VAV3: variants seen among roughly 807,000 people sequenced by gnomAD.
VAV3 encodes the protein vav guanine nucleotide exchange factor 3.
VAV3 carries 94 observed loss-of-function variants against 131.2 expected under a neutral mutation model. The observed-to-expected ratio is 0.72, with a 90% CI of 0.61 to 0.85. The LOEUF (loss-of-function observed/expected upper bound fraction) is 0.85, where lower values mean the gene tolerates loss of function less well. Among genes scored for constraint, VAV3 ranks in the 40% least tolerant of loss-of-function variants. The pLI is 0.00. For synonymous variants in VAV3, 349 were observed against 342.0 expected, an observed-to-expected ratio of 1.02 and a Z score of -0.22; for missense variants, 939 against 1,002.7, an observed-to-expected ratio of 0.94 and a Z score of 0.86.
At position 107,871,915 on chromosome 1, in the gene VAV3, A is replaced by G. The variant is rs954507824; in HGVS notation, c.321+2986T>C. ...AATCACATGCCTATTTAGAGTAAACAACTTTAACCACCACTGGGCTGCAGA... is the reference window on the plus strand; with the variant it reads ...AATCACATGCCTATTTAGAGTAAACGACTTTAACCACCACTGGGCTGCAGA... On this transcript the variant is annotated intron_variant, in intron 2 of 26. Coordinates refer to ENST00000370056, the MANE Select transcript of VAV3 (RefSeq NM_006113.5). Among the ~76,000 whole-genome samples, 3 of 152,288 alleles carry G rather than the reference A, an allele frequency of 2.0e-5. No homozygotes were observed. In the East Asian group the frequency reaches 5.8e-4, roughly 29 times the overall value.
intron 19 of VAV3, among the ~76,000 whole-genome samples, chr1:107,651,862 C>T (rs916885122): frequency 5.3e-5 from 8 of 152,122 alleles, no homozygotes; most frequent in African/African-American, 1.9e-4. Flanking sequence ...TCACTGCATA[C>T]AAGACCCTAT....
intron 1 of VAV3, among the ~76,000 whole-genome samples, chr1:107,919,313 G>A (rs923713988): frequency 2.0e-5 from 3 of 152,222 alleles, no homozygotes; most frequent in Admixed American, 6.5e-5. Context: ...TTAGAGGAAA[G>A]TAATATAAAT....
chr1:107,705,117 T>G, intron 15 of VAV3, 56 bp from the exon 16 acceptor site: 1 of 1,368,838 alleles, frequency 7.3e-7, no homozygotes, highest in South Asian at 1.2e-5. Flanking sequence ...AAGCTGCAAT[T>G]TAGTCATCTA....
chr1:107,799,438 TTAAC>T (rs150950265), intron 2 of VAV3, among the ~76,000 whole-genome samples: 5,073 of 152,210 alleles, frequency 0.033, 177 homozygotes, highest in African/African-American at 0.09. Context: ...GAATGGTAAC[TTAAC>T]TAAATATGAA....
At chr1:107,703,929 T>C (rs572253642) in intron 17 of VAV3, among the ~76,000 whole-genome samples, 2 of 152,260 alleles carry the variant, frequency 1.3e-5, no homozygotes, top group African/African-American at 4.8e-5. Context: ...AAAGAGGCAA[T>C]AGGCTACTGA....
At chr1:107,838,674 T>C (rs1009344065) in intron 2 of VAV3, among the ~76,000 whole-genome samples, 1 of 152,138 alleles carries the variant, frequency 6.6e-6, no homozygotes, top group African/African-American at 2.4e-5. Flanking sequence ...TGCAGCACTA[T>C]TCACAATAGC....
chr1:107,644,967 T>C (rs1655631442), intron 19 of VAV3, among the ~76,000 whole-genome samples: 1 of 98,232 alleles, frequency 1.0e-5, no homozygotes, highest in Non-Finnish European at 2.4e-5. Flanking sequence ...ATACAGAGTA[T>C]ACACTAGTAT....
chr1:107,905,304 A>T (rs1672050615), intron 1 of VAV3, among the ~76,000 whole-genome samples: 1 of 152,194 alleles, frequency 6.6e-6, no homozygotes. Context: ...AATCATGGCC[A>T]TCATCAAATT....
chr1:107,859,085 T>G (rs114331108), intron 2 of VAV3, among the ~76,000 whole-genome samples: 1,823 of 151,882 alleles, frequency 0.012, 41 homozygotes, highest in African/African-American at 0.042. Context: ...TTTTTTTTTT[T>G]TTTCATTTTT....
At chr1:107,799,043 A>G (rs990052166) in intron 2 of VAV3, among the ~76,000 whole-genome samples, 11 of 152,322 alleles carry the variant, frequency 7.2e-5, no homozygotes, top group African/African-American at 2.4e-4. Context: ...ACAGCTTATC[A>G]GGAAAAAGTG....
At chr1:107,665,391 C>G (rs1657340563) in intron 19 of VAV3, among the ~76,000 whole-genome samples, 1 of 152,132 alleles carries the variant, frequency 6.6e-6, no homozygotes, top group African/African-American at 2.4e-5. Context: ...GCCAGCAATT[C>G]TCAGCAATGT....
chr1:107,840,510 C>G (rs1668654021), intron 2 of VAV3, among the ~76,000 whole-genome samples: 1 of 152,146 alleles, frequency 6.6e-6, no homozygotes, highest in African/African-American at 2.4e-5. Flanking sequence ...CATTCCAGAG[C>G]ATTTAACCAT....
chr1:107,912,724 C>T (rs1406316696), intron 1 of VAV3, among the ~76,000 whole-genome samples: 1 of 152,202 alleles, frequency 6.6e-6, no homozygotes. Context: ...GGACTAGATA[C>T]CTGCATCTGC....
rs1668048668 is a variant in VAV3 at position 107,827,065 on chromosome 1, A to AT, written c.322-47574dup. Among the ~76,000 whole-genome samples, 3 of 152,080 alleles carry AT rather than the reference A, an allele frequency of 2.0e-5. No individual in the cohort carries two copies. In the South Asian group the frequency reaches 6.2e-4, roughly 32 times the overall value. ...TAGTTTCTCATACTTTCTTTCATGTATTTTTTGTCTTCTCCACAAAATTTT... is the reference window on the plus strand; with the variant it reads ...TAGTTTCTCATACTTTCTTTCATGTATTTTTTTGTCTTCTCCACAAAATTTT... On this transcript the variant is annotated intron_variant, in intron 2 of 26. Transcript: ENST00000370056.
At chr1:107,754,061 T>C (rs1397686268) in intron 12 of VAV3, among the ~76,000 whole-genome samples, 1 of 152,188 alleles carries the variant, frequency 6.6e-6, no homozygotes, top group Non-Finnish European at 1.5e-5. Context: ...TGTAGAAACG[T>C]ATGTCAAATT....
At chr1:107,697,176 G>T (rs549335650) in intron 17 of VAV3, among the ~76,000 whole-genome samples, 1 of 152,150 alleles carries the variant, frequency 6.6e-6, no homozygotes, top group South Asian at 2.1e-4. Context: ...GAAGGTACAG[G>T]CTACTGATGG....
intron 9 of VAV3, among the ~76,000 whole-genome samples, chr1:107,764,708 C>A (rs149054391): frequency 1.6e-3 from 249 of 152,258 alleles, no homozygotes; most frequent in Non-Finnish European, 2.7e-3. Context: ...CATTTTAAAT[C>A]TACATATACA....
intron 19 of VAV3, among the ~76,000 whole-genome samples, chr1:107,671,158 T>C (rs910014309): frequency 2.6e-5 from 4 of 152,352 alleles, no homozygotes; most frequent in African/African-American, 9.6e-5. Flanking sequence ...TCACGTCCTC[T>C]AGACAAACTG....
At chr1:107,844,796 C>A (rs1668890744) in intron 2 of VAV3, among the ~76,000 whole-genome samples, 1 of 152,180 alleles carries the variant, frequency 6.6e-6, no homozygotes, top group South Asian at 2.1e-4. Flanking sequence ...AGAAAGGCAG[C>A]CCCCAAAGTC....
Sources: allele counts gnomAD v4.1 joint callset (sites outside exome capture counted in the v4.1 genomes callset), GRCh38; gene constraint gnomAD v4.1.1; transcripts MANE v1.5; gene names NCBI Gene and HGNC (gene_info 2026-07-23, HGNC 2026-07-21).